CLDN14: variants seen among roughly 807,000 people sequenced by gnomAD.
CLDN14 encodes the protein claudin 14.
A neutral mutation model predicts 2.1 loss-of-function variants in CLDN14; 2 were observed. The observed-to-expected ratio is 0.96, with a 90% CI of 0.39 to 3.01. The LOEUF is 3.01. Among genes scored for constraint, CLDN14 ranks in the 30% most tolerant of loss-of-function variants. The pLI, the probability that CLDN14 is intolerant of heterozygous loss-of-function variation, is 0.09. For missense variants in CLDN14, 298 were observed against 328.0 expected (o/e 0.91, Z 0.71); for synonymous variants, 136 against 154.4 (o/e 0.88, Z 0.88).
intron 1 of CLDN14, among the ~76,000 whole-genome samples, chr21:36,511,657 C>G (rs533848076): frequency 6.6e-6 from 1 of 152,056 alleles, no homozygotes; most frequent in African/African-American, 2.4e-5. Context: ...CCTTTCTTTC[C>G]TCCTGTACAA....
intron 2 of CLDN14, among the ~76,000 whole-genome samples, chr21:36,503,844 T>A (rs2087108900): frequency 6.6e-6 from 1 of 152,046 alleles, no homozygotes; most frequent in South Asian, 2.1e-4. Flanking sequence ...ATACAGTAAG[T>A]CATTAGCTTC....
rs145540755 is a variant in CLDN14, at chr21:36,472,084, C to T, written c.-82+7411G>A. On this transcript the variant is annotated intron_variant, in intron 1 of 1. Coordinates refer to ENST00000399135, the MANE Select transcript of CLDN14 (RefSeq NM_001146079.2). ...ATGAACTCTTAAACAAATCGCAATG[C>T]GCATTTTGCCATCTTTATTTACAGA... 6.4e-3 allele frequency among the ~76,000 whole-genome samples: 970 copies of T among 152,270 alleles called. 9 individuals are homozygous for T. Among genetic ancestry groups the T allele is most frequent in the African/African-American group, 0.021 (852 of 41,540 alleles).
intron 1 of CLDN14, among the ~76,000 whole-genome samples, chr21:36,574,715 A>T (rs942312457): frequency 1.2e-4 from 19 of 152,220 alleles, no homozygotes; most frequent in African/African-American, 4.6e-4. Context: ...TTATACCTAA[A>T]TTAATTTTTT....
At chr21:36,505,099 A>G (rs1352976771) in intron 2 of CLDN14, among the ~76,000 whole-genome samples, 1 of 152,226 alleles carries the variant, frequency 6.6e-6, no homozygotes, top group African/African-American at 2.4e-5. Context: ...GCTTAGAGCA[A>G]TGCTGCTCAA....
chr21:36,502,220 T>C (rs1320487147), intron 2 of CLDN14, among the ~76,000 whole-genome samples: 1 of 152,172 alleles, frequency 6.6e-6, no homozygotes, highest in African/African-American at 2.4e-5. Flanking sequence ...AAACAACAGA[T>C]TTGATGAGTT....
chr21:36,554,734 C>T (rs1465238342), intron 1 of CLDN14, among the ~76,000 whole-genome samples: 1 of 152,080 alleles, frequency 6.6e-6, no homozygotes, highest in African/African-American at 2.4e-5. Flanking sequence ...CCCCACCACC[C>T]GTTGATAGTT....
At chr21:36,531,323 C>T (rs912543999) in intron 1 of CLDN14, among the ~76,000 whole-genome samples, 2 of 149,776 alleles carry the variant, frequency 1.3e-5, no homozygotes, top group Admixed American at 6.6e-5. Context: ...CTCACTCTGT[C>T]ACCCAAGCTG....
chr21:36,522,273 C>G (rs1211802014), intron 1 of CLDN14, among the ~76,000 whole-genome samples: 1 of 152,172 alleles, frequency 6.6e-6, no homozygotes, highest in East Asian at 1.9e-4. Flanking sequence ...ATATTATTAC[C>G]CCTGTGGGCT....
chr21:36,538,630 AG>A (rs35288869), intron 1 of CLDN14, among the ~76,000 whole-genome samples: 72,230 of 151,234 alleles, frequency 0.48, 19,346 homozygotes, highest in Middle Eastern at 0.62. Flanking sequence ...AAAAAGAGAG[AG>A]AAAAAAAAGA....
chr21:36,486,299 T>C (rs2086895093), intron 2 of CLDN14: 1 of 803,516 alleles, frequency 1.2e-6, no homozygotes, highest in Non-Finnish European at 2.2e-6. Context: ...GGCCAAACTC[T>C]TGTTGGCTAA....
At chr21:36,493,790 C>T (rs901325410) in intron 2 of CLDN14, among the ~76,000 whole-genome samples, 3 of 152,140 alleles carry the variant, frequency 2.0e-5, no homozygotes, top group Admixed American at 1.3e-4. Flanking sequence ...TGAAGGAACA[C>T]ATGTGGCTGG....
At chr21:36,563,139 T>C (rs1016704333) in intron 1 of CLDN14, among the ~76,000 whole-genome samples, 1 of 152,210 alleles carries the variant, frequency 6.6e-6, no homozygotes, top group Non-Finnish European at 1.5e-5. Flanking sequence ...CTGAGATGCA[T>C]GGGCTACATT....
At chr21:36,477,268 C>A (rs143450623) in intron 1 of CLDN14, 1 of 152,156 alleles carries the variant, frequency 6.6e-6, no homozygotes, top group South Asian at 2.1e-4. Context: ...TTGGGATTTT[C>A]CCCCCTTAAA....
chr21:36,537,411 T>A (rs1255179336), intron 1 of CLDN14, among the ~76,000 whole-genome samples: 1 of 152,196 alleles, frequency 6.6e-6, no homozygotes, highest in Non-Finnish European at 1.5e-5. Flanking sequence ...CTTTATTTTT[T>A]ATTTTTTTAA....
chr21:36,566,350 T>C (rs2087672766), intron 1 of CLDN14, among the ~76,000 whole-genome samples: 1 of 152,256 alleles, frequency 6.6e-6, no homozygotes, highest in African/African-American at 2.4e-5. Context: ...CCAGTAAATA[T>C]GACTTCTTAA....
intron 1 of CLDN14, among the ~76,000 whole-genome samples, chr21:36,469,211 G>A (rs1042027787): frequency 1.3e-5 from 2 of 152,170 alleles, no homozygotes; most frequent in African/African-American, 4.8e-5. Context: ...ATGAGAAAGC[G>A]ATCAAGCAAT....
In CLDN14 at chr21:36,498,204, T is replaced by C. The variant is rs1223187103; in HGVS notation, c.-82+12159A>G. Reference sequence around the variant, plus strand: ...TTAGTAGAGATGGGGTTTTGCCATATTGGCCAGGCTGGTGTCGAACTCCTG... The same window carrying C: ...TTAGTAGAGATGGGGTTTTGCCATACTGGCCAGGCTGGTGTCGAACTCCTG... On this transcript the variant is annotated intron_variant, in intron 2 of 2. Coordinates refer to the CLDN14 transcript ENST00000342108. The surrounding 1 kb of genome is among the most constrained non-coding windows in gnomAD (Gnocchi z 4.9). 6.6e-6 allele frequency among the ~76,000 whole-genome samples: 1 copy of C among 152,182 alleles called. No homozygotes were observed. The highest frequency in any genetic ancestry group is 6.6e-5 in the Admixed American group (1 of 15,254).
chr21:36,490,569 A>G (rs1004070342), intron 2 of CLDN14, among the ~76,000 whole-genome samples: 17 of 150,828 alleles, frequency 1.1e-4, no homozygotes, highest in Non-Finnish European at 2.4e-4. Flanking sequence ...TTGTATTTCT[A>G]GTAGAGATGG....
intron 1 of CLDN14, among the ~76,000 whole-genome samples, chr21:36,478,696 C>T (rs1469694422): frequency 6.6e-6 from 1 of 152,180 alleles, no homozygotes; most frequent in Non-Finnish European, 1.5e-5. Flanking sequence ...ACCCAGTGAT[C>T]AAGAGATGTT....
Sources: allele counts gnomAD v4.1 joint callset (sites outside exome capture counted in the v4.1 genomes callset), GRCh38; gene constraint gnomAD v4.1.1; non-coding constraint Gnocchi (gnomAD v3.1); transcripts MANE v1.5; gene names NCBI Gene and HGNC (gene_info 2026-07-23, HGNC 2026-07-21).